CDAN1: variants seen among roughly 807,000 people sequenced by gnomAD.
CDAN1 encodes the protein codanin-1.
In CDAN1, 107 loss-of-function variants were observed where a neutral mutation model predicts 139.8. The ratio of observed to expected loss-of-function variants is 0.77; its 90% CI spans 0.65 to 0.90. The LOEUF (loss-of-function observed/expected upper bound fraction) is 0.90. CDAN1 is among the 40% of genes least tolerant of loss of function. The pLI, the probability that CDAN1 is intolerant of heterozygous loss-of-function variation, is 0.00. For synonymous variants in CDAN1, 776 were observed against 660.6 expected, an observed-to-expected ratio of 1.17 and a Z score of -2.68; for missense variants, 1,667 against 1,575.7, an observed-to-expected ratio of 1.06 and a Z score of -0.98.
At chr15:42,732,287 G>C (rs754008089) in intron 10 of CDAN1, 46 bp downstream of exon 10, 2 of 1,560,340 alleles carry the variant, frequency 1.3e-6, no homozygotes, top group Admixed American at 3.3e-5. Flanking sequence ...GGCTGCCTGT[G>C]ATGCCTGCTG....
chr15:42,731,663 C>T lies in CDAN1; in HGVS notation c.1696G>A (p.Gly566Ser), dbSNP rs1230777905. 3 of 1,614,130 alleles carry T rather than the reference C, an allele frequency of 1.9e-6. No individual in the cohort carries two copies. The South Asian group carries it at 3.3e-5, about 18-fold the overall frequency. ...AAGTCCCTAAAGAAGCCTTGACAGC[C>T]TGGGAAGGTGGGGGGTGGGCAGGGC... ...GGPCPPPTFPGCQGFFRDFIL... is the reference protein window; with the variant it reads ...GGPCPPPTFPSCQGFFRDFIL... Residue 566 changes from glycine to serine, a missense_variant, in exon 11 of 28, where the codon GGC becomes AGC. Gly to Ser is a moderately conservative substitution (Grantham distance 56, BLOSUM62 0). Transcript: ENST00000356231.
intron 9 of CDAN1, among the ~76,000 whole-genome samples, 196 bp downstream of exon 9, chr15:42,732,901 G>A (rs751911936): frequency 1.4e-4 from 21 of 152,188 alleles, no homozygotes; most frequent in Non-Finnish European, 2.2e-4. Flanking sequence ...ACCTGTGAGT[G>A]GAAGGAGCTG....
Position 42,725,262 on chromosome 15 carries a change from CACCGAGGTCAG to C in CDAN1, c.3451-22_3451-12del. The C allele has an allele frequency of 6.2e-7, 1 of 1,612,638 alleles. No homozygotes were observed. The highest frequency in any genetic ancestry group is 8.5e-7 in the Non-Finnish European group (1 of 1,178,632). On this transcript the variant is annotated splice_polypyrimidine_tract_variant and intron_variant, in intron 26 of 27. Transcript: ENST00000356231. ...TAGCAGCAAGTCCCACTGCAAAACA[CACCGAGGTCAG>C]GGTTGCTAGGAGGACGACAGAGTGA...
At chr15:42,733,382 T>G (rs931597345) in intron 8 of CDAN1, among the ~76,000 whole-genome samples, 196 bp from the exon 9 acceptor site, 2 of 152,066 alleles carry the variant, frequency 1.3e-5, no homozygotes, top group Non-Finnish European at 2.9e-5. Flanking sequence ...GTTCAAGCGA[T>G]TCTCCTGCCT....
rs1295940850 is a variant in CDAN1 at position 42,730,994 on chromosome 15, C to T, written c.1938G>A (p.Leu646=). 1 of 1,614,074 alleles carries T rather than the reference C, an allele frequency of 6.2e-7. No individual in the cohort carries two copies. Among genetic ancestry groups the T allele is most frequent in the Non-Finnish European group, 8.5e-7 (1 of 1,180,038 alleles). Residue 646 remains leucine, a synonymous_variant, in exon 13 of 28, where the codon CTG becomes CTA. Transcript: ENST00000356231. ...LAKFLGFVAF[L]PYRGPEPPPT... ...GGGGAGGTTCAGGCCCCCGGTATGG[C>T]AGGAAAGCCACAAAGCCCAGGAATT...
chr15:42,726,333 C>G lies in CDAN1; in HGVS notation c.3181G>C (p.Gly1061Arg). The G allele has an allele frequency of 6.3e-7, 1 of 1,591,578 alleles. No homozygotes were observed. Among genetic ancestry groups the G allele is most frequent in the Non-Finnish European group, 8.6e-7 (1 of 1,169,194 alleles). Residue 1061 changes from glycine to arginine, a missense_variant, in exon 24 of 28, where the codon GGC becomes CGC. Physicochemically the swap from Gly to Arg is moderately radical, Grantham distance 125 (BLOSUM62 -2). Transcript: ENST00000356231. ...EHLEQLLGQL[G>R]QTLRCRQFLC... ...ACCTGGCGGCACCGCAGCGTCTGGC[C>G]CAGCTGGCCTAGGAGCTGTTCCAGA...
intron 23 of CDAN1, 120 bp from the exon 24 acceptor site, chr15:42,726,537 G>T: frequency 1.3e-6 from 1 of 767,952 alleles, no homozygotes. Context: ...GGGATATGGT[G>T]AGTAAAGCCA....
At chr15:42,728,593 G>C in intron 20 of CDAN1, 59 bp downstream of exon 20, 1 of 1,602,752 alleles carries the variant, frequency 6.2e-7, no homozygotes, top group Non-Finnish European at 8.5e-7. Flanking sequence ...TGTGAAGGAG[G>C]AAAGAAAGGA....
intron 27 of CDAN1, chr15:42,724,829 C>G (rs2061501414): frequency 3.1e-6 from 2 of 646,940 alleles, no homozygotes; most frequent in Non-Finnish European, 5.4e-6. Context: ...ACAGGCTTGA[C>G]CAGTTTTTGA....
At chr15:42,724,785 G>A in intron 27 of CDAN1, 169 bp from the exon 28 acceptor site, 1 of 904,316 alleles carries the variant, frequency 1.1e-6, no homozygotes, top group South Asian at 1.5e-5. Context: ...CTGGGAGGCT[G>A]AAGTTATGGC....
chr15:42,731,033 C>A lies in CDAN1; in HGVS notation c.1899G>T (p.Leu633=). ...AGCCCAGGAATTTAGCCAAAAGTCTCAGGCTAAGAAGCACCACAGCAAATT... is the reference window on the plus strand; with the variant it reads ...AGCCCAGGAATTTAGCCAAAAGTCTAAGGCTAAGAAGCACCACAGCAAATT... ...RKQFAVVLLS[L]RLLAKFLGFV... The change falls in exon 13 of 28, where the codon CTG becomes CTT. Residue 633 remains leucine, a synonymous_variant. Coordinates refer to ENST00000356231, the MANE Select transcript of CDAN1 (RefSeq NM_138477.4). The A allele has an allele frequency of 6.2e-7, 1 of 1,614,224 alleles. No individual in the cohort carries two copies. Among genetic ancestry groups the A allele is most frequent in the Non-Finnish European group, 8.5e-7 (1 of 1,180,038 alleles).
rs1051388342 is a variant in CDAN1 at position 42,736,597 on chromosome 15, C to A, written c.274G>T (p.Gly92Cys). The change falls in exon 2 of 28, where the codon GGT becomes TGT. Residue 92 changes from glycine (G) to cysteine (C), a missense_variant. Transcript: ENST00000356231. ...LPGRPGGPPR[G>C]SRGARSQLFP... is the part of the protein sequence containing the mutation. The stretch of plus-strand genomic sequence containing the variant: ...AGCTGGCTGCGCGCCCCGCGGCTAC[C>A]CCGCGGCGGGCCTCCCGGCCTCCCT... The A allele has an allele frequency of 6.7e-7, 1 of 1,501,936 alleles. No individual in the cohort carries two copies. The highest frequency in any genetic ancestry group is 1.3e-5 in the South Asian group (1 of 79,834). 93.0% of individuals were successfully genotyped at this position (1,501,936 alleles called of 1,614,324 possible).
Position 42,727,872 on chromosome 15 carries a change from C to G in CDAN1, c.2947+83G>C, listed in dbSNP as rs1349221781. On this transcript the variant is annotated intron_variant, in intron 22 of 27. Coordinates refer to ENST00000356231, the MANE Select transcript of CDAN1 (RefSeq NM_138477.4). ...GCTGTTTCCTACTGGCTCTCAGTCC[C>G]ATCGCCCACAAGATGCCTCTGACTC... The G allele has an allele frequency of 1.9e-6, 3 of 1,600,864 alleles. No homozygotes were observed. The African/African-American group carries it at 4.0e-5, about 21-fold the overall frequency.
At chr15:42,734,155 G>A in intron 7 of CDAN1, 71 bp downstream of exon 7, 1 of 1,610,530 alleles carries the variant, frequency 6.2e-7, no homozygotes, top group Non-Finnish European at 8.5e-7. Flanking sequence ...TCGTCAGCAG[G>A]GTTGCCTGAA....
chr15:42,725,308 C>T, intron 26 of CDAN1, 57 bp from the exon 27 acceptor site: 1 of 1,552,326 alleles, frequency 6.4e-7, no homozygotes, highest in South Asian at 1.1e-5. Flanking sequence ...ACCCTGATGA[C>T]AGAGATTGAG....
At chr15:42,731,894 T>C in intron 10 of CDAN1, 69 bp from the exon 11 acceptor site, 1 of 1,404,530 alleles carries the variant, frequency 7.1e-7, no homozygotes, top group Non-Finnish European at 1.0e-6. Flanking sequence ...GAACAAAAAA[T>C]AAGGAGAAAG....
At chr15:42,730,003 G>A in intron 15 of CDAN1, 118 bp from the exon 16 acceptor site, 2 of 1,183,468 alleles carry the variant, frequency 1.7e-6, no homozygotes, top group Non-Finnish European at 2.4e-6. Context: ...TGAGATGATG[G>A]GAATCCCCAG....
chr15:42,731,076 A>G lies in CDAN1; in HGVS notation c.1861-5T>C. 1.9e-6 allele frequency: 3 copies of G among 1,614,228 alleles called. No individual in the cohort carries two copies. Among genetic ancestry groups the G allele is most frequent in the Middle Eastern group, 1.6e-4 (1 of 6,062 alleles). On this transcript the variant is annotated splice_polypyrimidine_tract_variant and splice_region_variant and intron_variant, in intron 12 of 27. Transcript: ENST00000356231. ...AGCAAATTGCTTCCGCTCACCCTGC[A>G]TGGAATCAAGGGAAGTAAAAGGTCC...
At position 42,727,780 on chromosome 15, in the gene CDAN1, G is replaced by T; in HGVS notation, c.2948-11C>A. ...CCCTCCTGATCAGTGCTGTGGGGCA[G>T]AGGGAGAATGGGAAAGGAATCACGG... On this transcript the variant is annotated splice_polypyrimidine_tract_variant and intron_variant, in intron 22 of 27. Coordinates refer to ENST00000356231, the MANE Select transcript of CDAN1 (RefSeq NM_138477.4). 6.2e-7 allele frequency: 1 copy of T among 1,605,654 alleles called. No homozygotes were observed.
Sources: allele counts gnomAD v4.1 joint callset (sites outside exome capture counted in the v4.1 genomes callset), GRCh38; gene constraint gnomAD v4.1.1; transcripts MANE v1.5; gene names NCBI Gene and HGNC (gene_info 2026-07-23, HGNC 2026-07-21).